Variants in CSMD1 observed in about 807,000 individuals in gnomAD.
The protein encoded by CSMD1 is CUB and sushi domain-containing protein 1.
CSMD1 carries 213 observed loss-of-function variants against 417.5 expected under a neutral mutation model. That is an observed-to-expected ratio of 0.51 (90% CI 0.46 to 0.57). CSMD1 has a LOEUF of 0.57. Ranked by LOEUF, CSMD1 falls within the 20% of genes least tolerant of loss-of-function variation. The pLI is 0.00. For missense variants in CSMD1, 6,923 were observed against 4,529.7 expected, an observed-to-expected ratio of 1.53 and a Z score of -15.17; for synonymous variants, 2,862 against 1,736.8, an observed-to-expected ratio of 1.65 and a Z score of -16.11.
intron 3 of CSMD1, among the ~76,000 whole-genome samples, chr8:4,220,957 G>A (rs1800993898): frequency 6.6e-6 from 1 of 152,176 alleles, no homozygotes; most frequent in Non-Finnish European, 1.5e-5. Flanking sequence ...ACGGTTGAGT[G>A]CGCAGGCGCC....
In CSMD1 at chr8:4,773,733, C is replaced by T. The variant is rs1157961836; in HGVS notation, c.86-136175G>A. Among the ~76,000 whole-genome samples the T allele has an allele frequency of 2.0e-5, 3 of 152,126 alleles. No homozygotes were observed. The East Asian group carries it at 5.8e-4, about 29-fold the overall frequency. On this transcript the variant is annotated intron_variant, in intron 1 of 69. Transcript: ENST00000635120. ...CACCACTCTTATGATGAACATTACC[C>T]ATTTCCCTTAAATACTGATATAATC... is the stretch of plus-strand genomic sequence containing the variant.
At chr8:4,027,937 A>T (rs1056217946) in intron 4 of CSMD1, among the ~76,000 whole-genome samples, 5 of 152,200 alleles carry the variant, frequency 3.3e-5, no homozygotes, top group African/African-American at 1.2e-4. Context: ...AATGGTAGAA[A>T]TAAGGAAGAA....
At chr8:4,159,485 A>C (rs1419158399) in intron 3 of CSMD1, among the ~76,000 whole-genome samples, 1 of 152,192 alleles carries the variant, frequency 6.6e-6, no homozygotes, top group Non-Finnish European at 1.5e-5. Flanking sequence ...CCATCAATCA[A>C]CGAGTGGATA....
chr8:4,036,703 C>T (rs541653579), intron 3 of CSMD1, among the ~76,000 whole-genome samples: 22 of 152,312 alleles, frequency 1.4e-4, no homozygotes, highest in Middle Eastern at 6.8e-3. Context: ...TTGTATCTGA[C>T]GTAAAGGATC....
At chr8:3,357,768 AT>A (rs200435272) in intron 21 of CSMD1, among the ~76,000 whole-genome samples, 2,256 of 152,020 alleles carry the variant, frequency 0.015, 61 homozygotes, top group African/African-American at 0.052. Flanking sequence ...AAAATACCGT[AT>A]TTTTTTTCTT....
chr8:3,150,281 G>T (rs982499872), intron 40 of CSMD1, among the ~76,000 whole-genome samples: 13 of 152,172 alleles, frequency 8.5e-5, no homozygotes, highest in Non-Finnish European at 1.3e-4. Context: ...GCCTCCTACA[G>T]ATCACTGGGA....
intron 1 of CSMD1, among the ~76,000 whole-genome samples, chr8:4,793,290 G>C (rs1797793311): frequency 6.6e-6 from 1 of 152,084 alleles, no homozygotes; most frequent in African/African-American, 2.4e-5. Context: ...TGGAAAAATA[G>C]AACCTATTCT....
intron 26 of CSMD1, among the ~76,000 whole-genome samples, chr8:3,272,620 G>A (rs1459656086): frequency 1.5e-5 from 2 of 137,474 alleles, no homozygotes; most frequent in East Asian, 2.2e-4. Flanking sequence ...GCAGTGGTTT[G>A]TAGTTCTCCT....
chr8:3,123,643 T>C (rs1170366919), intron 41 of CSMD1, among the ~76,000 whole-genome samples: 1 of 152,106 alleles, frequency 6.6e-6, no homozygotes, highest in Non-Finnish European at 1.5e-5. Flanking sequence ...TGCTGGTTTC[T>C]AGAGGAGGAG....
At chr8:4,404,173 A>G (rs1350179421) in intron 3 of CSMD1, among the ~76,000 whole-genome samples, 1 of 152,168 alleles carries the variant, frequency 6.6e-6, no homozygotes, top group Non-Finnish European at 1.5e-5. Context: ...ACTCTATTTA[A>G]TATTGAAACT....
intron 5 of CSMD1, among the ~76,000 whole-genome samples, chr8:3,756,997 C>G (rs1027085220): frequency 4.6e-5 from 7 of 152,120 alleles, no homozygotes; most frequent in Non-Finnish European, 1.0e-4. Context: ...GACTGGGGGT[C>G]TCACTATGTT....
At chr8:4,659,093 A>G (rs537853419) in intron 1 of CSMD1, among the ~76,000 whole-genome samples, 121 of 152,292 alleles carry the variant, frequency 7.9e-4, no homozygotes, top group African/African-American at 2.9e-3. Context: ...CATACAAATA[A>G]AATAACCGAT....
chr8:3,215,116 C>T (rs956270648), intron 29 of CSMD1, among the ~76,000 whole-genome samples: 28 of 152,142 alleles, frequency 1.8e-4, no homozygotes, highest in African/African-American at 6.5e-4. Flanking sequence ...CCACACCTTT[C>T]AGAAAAGACT....
At position 2,951,279 on chromosome 8, in the gene CSMD1, T is replaced by A. The variant is rs762140377; in HGVS notation, c.10040-4A>T. 1 of 1,598,702 alleles carries A rather than the reference T, an allele frequency of 6.3e-7. No individual in the cohort carries two copies. Among genetic ancestry groups the A allele is most frequent in the East Asian group, 2.2e-5 (1 of 44,486 alleles). ...ACGAAAAAGACATCTGAAGGAACTG[T>A]GGGAAGGGGGGAAACAGACCAATGT... On this transcript the variant is annotated splice_region_variant and splice_polypyrimidine_tract_variant and intron_variant, in intron 65 of 69. Transcript: ENST00000635120.
At chr8:3,062,555 A>AT (rs1563295486) in intron 49 of CSMD1, among the ~76,000 whole-genome samples, 1 of 133,584 alleles carries the variant, frequency 7.5e-6, no homozygotes, top group Non-Finnish European at 1.7e-5. Context: ...AACAAAACAC[A>AT]TTAAAAAAAA....
Position 4,545,671 on chromosome 8 carries a change from A to G in CSMD1, c.302+91671T>C, listed in dbSNP as rs142298074. Among the ~76,000 whole-genome samples the G allele has an allele frequency of 2.4e-4, 36 of 152,326 alleles. 1 individual carries two copies. Among genetic ancestry groups the G allele is most frequent in the Admixed American group, 6.5e-4 (10 of 15,306 alleles). The stretch of plus-strand genomic sequence containing the variant: ...ACACCCTAGGAGTTTCCCAGTGTGC[A>G]GTGAGACATGCTCACTATTTTCTCT... On this transcript the variant is annotated intron_variant, in intron 2 of 69. Coordinates refer to ENST00000635120, the MANE Select transcript of CSMD1 (RefSeq NM_033225.6).
At chr8:4,008,105 C>A (rs1201510714) in intron 4 of CSMD1, among the ~76,000 whole-genome samples, 1 of 152,114 alleles carries the variant, frequency 6.6e-6, no homozygotes, top group Non-Finnish European at 1.5e-5. Flanking sequence ...CTCACCAGAG[C>A]TGCATGAAAT....
intron 41 of CSMD1, among the ~76,000 whole-genome samples, chr8:3,129,891 G>C (rs902240885): frequency 6.6e-6 from 1 of 151,994 alleles, no homozygotes; most frequent in Non-Finnish European, 1.5e-5. Context: ...CAGCATGGGA[G>C]AATCACCTGA....
intron 4 of CSMD1, among the ~76,000 whole-genome samples, chr8:4,027,803 C>T (rs1797140533): frequency 6.6e-6 from 1 of 151,830 alleles, no homozygotes; most frequent in African/African-American, 2.4e-5. Context: ...GAAGTAAGGC[C>T]AAGACACTTG....
Sources: allele counts gnomAD v4.1 joint callset (sites outside exome capture counted in the v4.1 genomes callset), GRCh38; gene constraint gnomAD v4.1.1; transcripts MANE v1.5; gene names NCBI Gene and HGNC (gene_info 2026-07-23, HGNC 2026-07-21).